Variants in VAT1L observed in about 807,000 individuals in gnomAD.
VAT1L encodes putative NADPH-dependent quinone oxidoreductase VAT1L.
Under a neutral mutation model 44.1 loss-of-function variants are expected in VAT1L, and 34 were observed. The observed-to-expected ratio is 0.77, with a 90% CI of 0.59 to 1.03. The LOEUF is 1.03. Ranked by LOEUF, VAT1L falls within the 50% of genes least tolerant of loss-of-function variation. The pLI is 0.00. For missense variants in VAT1L, 615 were observed against 538.8 expected (o/e 1.14, Z -1.40); for synonymous variants, 253 against 202.2 (o/e 1.25, Z -2.13).
chr16:77,931,847 A>G (rs1252697458), intron 7 of VAT1L, among the ~76,000 whole-genome samples: 1 of 152,190 alleles, frequency 6.6e-6, no homozygotes, highest in Non-Finnish European at 1.5e-5. Context: ...GTTAGGGGAA[A>G]ATCACCTAAG....
intron 4 of VAT1L, among the ~76,000 whole-genome samples, chr16:77,867,838 G>A (rs1455320422): frequency 5.4e-5 from 8 of 146,824 alleles, no homozygotes; most frequent in Admixed American, 2.1e-4. Flanking sequence ...CAGCCTGGGC[G>A]ACAGAGCGAG....
intron 7 of VAT1L, among the ~76,000 whole-genome samples, chr16:77,955,418 T>C (rs2018091815): frequency 6.6e-6 from 1 of 151,856 alleles, no homozygotes; most frequent in Admixed American, 6.6e-5. Context: ...GCTACTAGAT[T>C]GAGGAACTCT....
chr16:77,876,756 A>G (rs1265614795), intron 5 of VAT1L, among the ~76,000 whole-genome samples: 4 of 152,250 alleles, frequency 2.6e-5, no homozygotes, highest in African/African-American at 9.6e-5. Context: ...CATCACCCAC[A>G]GAAGGTAGCA....
Position 77,884,661 on chromosome 16 carries a change from C to T in VAT1L, c.936C>T (p.Val312=). The stretch of plus-strand genomic sequence containing the variant: ...TCAAGCTGTATGAGGAGAACAAAGT[C>T]ATCGCGGGGTTTTCCCTTTTAAATC... ...NPIKLYEENK[V]IAGFSLLNLL... is the part of the protein sequence containing the mutation. Residue 312 remains valine, a synonymous_variant, in exon 7 of 9, where the codon GTC becomes GTT. Transcript: ENST00000302536. This position sits in a 1 kb window ranked among gnomAD's most constrained non-coding sequence, Gnocchi z 4.5. The T allele has an allele frequency of 6.2e-7, 1 of 1,613,498 alleles. No homozygotes were observed. The highest frequency in any genetic ancestry group is 1.1e-5 in the South Asian group (1 of 90,882).
At chr16:77,894,834 G>A (rs2017305190) in intron 7 of VAT1L, among the ~76,000 whole-genome samples, 1 of 152,066 alleles carries the variant, frequency 6.6e-6, no homozygotes, top group African/African-American at 2.4e-5. Context: ...GGGATCAGGA[G>A]AACTTGGGAG....
chr16:77,940,021 G>C (rs1020719914), intron 7 of VAT1L, among the ~76,000 whole-genome samples: 1 of 152,136 alleles, frequency 6.6e-6, no homozygotes, highest in Non-Finnish European at 1.5e-5. Flanking sequence ...AGTGCATCAA[G>C]GTTTTCCACA....
intron 1 of VAT1L, among the ~76,000 whole-genome samples, chr16:77,806,112 C>T (rs2016154018): frequency 6.6e-6 from 1 of 151,970 alleles, no homozygotes; most frequent in Non-Finnish European, 1.5e-5. Context: ...ATCTGCCTGC[C>T]TTGGCCTCCC....
At chr16:77,959,564 AC>A (rs896848700) in intron 7 of VAT1L, among the ~76,000 whole-genome samples, 4 of 152,036 alleles carry the variant, frequency 2.6e-5, no homozygotes, top group Non-Finnish European at 4.4e-5. Flanking sequence ...CCATGGAATT[AC>A]CCCCCTCTTG....
chr16:77,808,926 A>C (rs1340044693), intron 1 of VAT1L, among the ~76,000 whole-genome samples: 1 of 152,146 alleles, frequency 6.6e-6, no homozygotes, highest in African/African-American at 2.4e-5. Context: ...CTGTTTCCCC[A>C]TGAGAATTTG....
At chr16:77,902,733 G>GGA (rs569626264) in intron 7 of VAT1L, among the ~76,000 whole-genome samples, 7 of 5,122 alleles carry the variant, frequency 1.4e-3, no homozygotes, top group Admixed American at 2.1e-3. Context: ...ATGGGGGGGT[G>GGA]GGGGGGGTGT....
At chr16:77,898,063 C>A (rs540802893) in intron 7 of VAT1L, among the ~76,000 whole-genome samples, 1 of 152,252 alleles carries the variant, frequency 6.6e-6, no homozygotes, top group South Asian at 2.1e-4. Context: ...ATGCATCTCT[C>A]TTAGGTCTGG....
At position 77,884,981 on chromosome 16, in the gene VAT1L, C is replaced by G. The variant is rs1006182872; in HGVS notation, c.1077+179C>G. Among the ~76,000 whole-genome samples the G allele has an allele frequency of 3.9e-5, 6 of 152,156 alleles. No homozygotes were observed. The highest frequency in any genetic ancestry group is 4.4e-5 in the Non-Finnish European group (3 of 68,054). ...CTTTGGATATAAGAAATACTTTAAG[C>G]TCTTTGGTGATTTGCAAACCACGTG... On this transcript the variant is annotated intron_variant, in intron 7 of 8. Coordinates refer to ENST00000302536, the MANE Select transcript of VAT1L (RefSeq NM_020927.3). This position sits in a 1 kb window ranked among gnomAD's most constrained non-coding sequence, Gnocchi z 4.5.
intron 3 of VAT1L, among the ~76,000 whole-genome samples, chr16:77,831,803 T>G (rs1181008437): frequency 8.0e-6 from 1 of 125,440 alleles, no homozygotes; most frequent in Non-Finnish European, 1.9e-5. Flanking sequence ...TTTTGTGTTT[T>G]TTGTTTGTTT....
intron 7 of VAT1L, among the ~76,000 whole-genome samples, chr16:77,936,262 T>C (rs1229968234): frequency 6.6e-6 from 1 of 152,172 alleles, no homozygotes; most frequent in Non-Finnish European, 1.5e-5. Flanking sequence ...TTCAGCTATA[T>C]TTCTTCCTCA....
intron 7 of VAT1L, among the ~76,000 whole-genome samples, chr16:77,927,903 T>A (rs567957095): frequency 1.3e-5 from 2 of 152,184 alleles, no homozygotes; most frequent in Non-Finnish European, 2.9e-5. Context: ...AACTTTTCAA[T>A]TTCCTTTGAA....
At chr16:77,948,630 T>C (rs1200332320) in intron 7 of VAT1L, among the ~76,000 whole-genome samples, 6 of 152,174 alleles carry the variant, frequency 3.9e-5, no homozygotes, top group African/African-American at 1.4e-4. Flanking sequence ...CAATGATTAA[T>C]ATTTGGTTGA....
intron 7 of VAT1L, among the ~76,000 whole-genome samples, chr16:77,958,622 G>C (rs1320737271): frequency 6.6e-6 from 1 of 152,106 alleles, no homozygotes; most frequent in Admixed American, 6.5e-5. Flanking sequence ...AATAAGACAA[G>C]AATATATAAT....
intron 1 of VAT1L, among the ~76,000 whole-genome samples, chr16:77,792,825 C>T (rs1414923133): frequency 6.6e-6 from 1 of 152,130 alleles, no homozygotes. Flanking sequence ...ATAGAGCATC[C>T]ATTTTATAAT....
intron 5 of VAT1L, among the ~76,000 whole-genome samples, chr16:77,877,593 A>G (rs2017103486): frequency 2.0e-5 from 3 of 151,416 alleles, no homozygotes; most frequent in South Asian, 4.2e-4. Context: ...GCTAGATGGC[A>G]TAATCTGAAG....
Sources: gnomAD v4.1 joint callset for allele counts (sites outside exome capture counted in the v4.1 genomes callset) on GRCh38, gnomAD v4.1.1 for gene constraint, Gnocchi (gnomAD v3.1) non-coding constraint, MANE v1.5 for transcripts, NCBI Gene and HGNC (gene_info 2026-07-23, HGNC 2026-07-21) for gene names.